EPRS1: variants seen among roughly 807,000 people sequenced by gnomAD.
EPRS1 encodes the protein glutamyl-prolyl-tRNA synthetase 1, also known as bifunctional glutamate/proline--tRNA ligase.
In EPRS1, 107 loss-of-function variants were observed where a neutral mutation model predicts 188.3. The observed-to-expected ratio is 0.57, with a 90% CI of 0.49 to 0.67. EPRS1 has a LOEUF of 0.67. Among genes scored for constraint, EPRS1 ranks in the 30% least tolerant of loss-of-function variants. The pLI is 0.00. For synonymous variants in EPRS1, 596 were observed against 593.1 expected (o/e 1.00, Z -0.07); for missense variants, 1,577 against 1,802.2 (o/e 0.88, Z 2.26).
intron 24 of EPRS1, among the ~76,000 whole-genome samples, 176 bp downstream of exon 24, chr1:219,981,202 T>C (rs1660889616): frequency 6.6e-6 from 1 of 152,096 alleles, no homozygotes. Flanking sequence ...CCAGCCACTT[T>C]CCAATTTTTA....
At chr1:220,016,019 T>G (rs1661702869) in intron 12 of EPRS1, among the ~76,000 whole-genome samples, 2 of 152,022 alleles carry the variant, frequency 1.3e-5, no homozygotes, top group South Asian at 4.2e-4. Context: ...CATCTGAATA[T>G]CTTGGTGGGA....
At position 219,997,525 on chromosome 1, in the gene EPRS1, G is replaced by A. The variant is rs776300905; in HGVS notation, c.2182-183C>T. 3.4e-4 allele frequency among the ~76,000 whole-genome samples: 51 copies of A among 152,156 alleles called. 1 individual carries two copies. The highest frequency in any genetic ancestry group is 3.9e-4 in the East Asian group (2 of 5,186). ...TTTATCCTAATGAAAAATGACAGGC[G>A]TAAACAAAGATAGAGGTACCTACAT... On this transcript the variant is annotated intron_variant, in intron 17 of 31. Transcript: ENST00000366923.
At chr1:220,007,041 GAAAA>G (rs1661502009) in intron 14 of EPRS1, among the ~76,000 whole-genome samples, 157 bp downstream of exon 14, 1 of 152,078 alleles carries the variant, frequency 6.6e-6, no homozygotes, top group South Asian at 2.1e-4. Flanking sequence ...AAGATATATG[GAAAA>G]AAATTTAACT....
Position 220,024,699 on chromosome 1 carries a change from G to T in EPRS1, c.751-243C>A, listed in dbSNP as rs540774728. Among the ~76,000 whole-genome samples the T allele has an allele frequency of 8.7e-4, 133 of 152,258 alleles. 4 individuals carry two copies. In the South Asian group the frequency reaches 0.027, roughly 31 times the overall value. ...CACGATGGAGTTTTCCATTTACTTT[G>T]GAAAAGCTGGTCATTACTGGGAGAA... On this transcript the variant is annotated intron_variant, in intron 7 of 31. Coordinates refer to ENST00000366923, the MANE Select transcript of EPRS1 (RefSeq NM_004446.3).
In EPRS1 at chr1:219,968,937, C is replaced by G. The variant is rs765309419; in HGVS notation, c.4408G>C (p.Gly1470Arg). 1.2e-6 allele frequency: 2 copies of G among 1,614,012 alleles called. No individual in the cohort carries two copies. The highest frequency in any genetic ancestry group is 2.2e-5 in the South Asian group (2 of 91,070). Residue 1470 changes from glycine to arginine, a missense_variant, in exon 32 of 32, where the codon GGT becomes CGT. This residue lies in a region of EPRS1 where 296 missense variants were observed against 327.9 expected (regional missense o/e 0.90). Transcript: ENST00000366923. ...TTARDQDLEPGAPSMGAKSLC... is the reference protein window; with the variant it reads ...TTARDQDLEPRAPSMGAKSLC... ...CTTTTAGCTCCCATGGATGGAGCACCAGGTTCAAGATCTTGATCCCTGAAA... is the reference window on the plus strand; with the variant it reads ...CTTTTAGCTCCCATGGATGGAGCACGAGGTTCAAGATCTTGATCCCTGAAA...
chr1:220,001,309 A>G, intron 16 of EPRS1, 54 bp from the exon 17 acceptor site: 1 of 961,988 alleles, frequency 1.0e-6, no homozygotes, highest in East Asian at 2.4e-5. Flanking sequence ...TTATCTGAAC[A>G]GCAATAAACA....
chr1:220,024,394 A>G lies in EPRS1; in HGVS notation c.813T>C (p.Asp271=). The change falls in exon 8 of 32, where the codon GAT becomes GAC. Residue 271 remains aspartate, a synonymous_variant. Transcript: ENST00000366923. ...CATACTTCATTATAGTTTCAAAATG[A>G]TCCGAAGTATAAGTAAATTGATCTG... is the stretch of plus-strand genomic sequence containing the variant. The part of the protein sequence containing the change: ...IKPDQFTYTS[D]HFETIMKYAE... 1 of 1,612,408 alleles carries G rather than the reference A, an allele frequency of 6.2e-7. No individual in the cohort carries two copies. The highest frequency in any genetic ancestry group is 8.5e-7 in the Non-Finnish European group (1 of 1,179,268).
rs375349074 is a variant in EPRS1, at chr1:220,046,396, A to G, written c.-8T>C. 1 of 1,613,934 alleles carries G rather than the reference A, an allele frequency of 6.2e-7. No individual in the cohort carries two copies. The highest frequency in any genetic ancestry group is 1.3e-5 in the African/African-American group (1 of 75,062). ...CAGAGAGAGCGTCGCCATCTCCACC[A>G]GTCCGCTGGTCCACCTGTCAGTACG... On this transcript the variant is annotated 5_prime_UTR_variant, in exon 1 of 32. Transcript: ENST00000366923.
intron 6 of EPRS1, among the ~76,000 whole-genome samples, chr1:220,027,427 CAAAA>C (rs35659781): frequency 2.2e-5 from 3 of 138,122 alleles, no homozygotes; most frequent in Non-Finnish European, 3.1e-5. Flanking sequence ...GACTCCATCT[CAAAA>C]AAAAAAAAAA....
At chr1:219,970,093 A>G in intron 30 of EPRS1, among the ~76,000 whole-genome samples, 1 of 152,162 alleles carries the variant, frequency 6.6e-6, no homozygotes, top group South Asian at 2.1e-4. Context: ...AAGTGCTGGG[A>G]TTACAGGTGT....
chr1:220,019,935 A>T, intron 10 of EPRS1, 53 bp downstream of exon 10: 1 of 1,265,290 alleles, frequency 7.9e-7, no homozygotes, highest in Non-Finnish European at 1.1e-6. Flanking sequence ...TTTAAAAATC[A>T]CTGATCTACT....
intron 20 of EPRS1, among the ~76,000 whole-genome samples, 192 bp downstream of exon 20, chr1:219,986,950 T>C (rs978670748): frequency 3.9e-5 from 6 of 152,336 alleles, no homozygotes; most frequent in Middle Eastern, 3.4e-3. Flanking sequence ...TCTGAGATTC[T>C]TGAACCAAAC....
intron 2 of EPRS1, among the ~76,000 whole-genome samples, chr1:220,037,032 G>GA (rs113145046): frequency 5.6e-4 from 81 of 144,546 alleles, no homozygotes; most frequent in Middle Eastern, 3.6e-3. Context: ...GAAAGTAAAG[G>GA]AAAAAAAAAA....
intron 23 of EPRS1, chr1:219,982,489 A>G: frequency 4.0e-6 from 1 of 250,784 alleles, no homozygotes. Context: ...AATAAAAATT[A>G]TTCTAAGAAT....
At chr1:220,042,228 A>G (rs1050718499) in intron 1 of EPRS1, among the ~76,000 whole-genome samples, 1 of 151,732 alleles carries the variant, frequency 6.6e-6, no homozygotes, top group Non-Finnish European at 1.5e-5. Context: ...CATACCTGTA[A>G]TCCTAGTACT....
chr1:220,024,162 A>G, intron 8 of EPRS1, 102 bp downstream of exon 8: 1 of 841,890 alleles, frequency 1.2e-6, no homozygotes, highest in Non-Finnish European at 1.8e-6. Context: ...AAAACAAACA[A>G]ACAAACAAAA....
At chr1:220,044,105 A>G (rs1571703660) in intron 1 of EPRS1, among the ~76,000 whole-genome samples, 1 of 152,140 alleles carries the variant, frequency 6.6e-6, no homozygotes, top group African/African-American at 2.4e-5. Flanking sequence ...GTATGGGGGA[A>G]AAAGGTCTTT....
At position 220,001,250 on chromosome 1, in the gene EPRS1, T is replaced by C. The variant is rs775000045; in HGVS notation, c.2069A>G (p.Tyr690Cys). Residue 690 changes from tyrosine to cysteine, a missense_variant, in exon 17 of 32, where the codon TAT (tyrosine) becomes TGT (cysteine). Physicochemically the swap from Tyr to Cys is radical, Grantham distance 194. Transcript: ENST00000366923. ...CDQPYEPVSPYSCKEAPCVLI... is the reference protein window; with the variant it reads ...CDQPYEPVSPCSCKEAPCVLI... ...AACACACGGGGCTTCCTTGCAACTA[T>C]ATGGGCTAAAAAGAAAATAAAGGGA... 2.5e-6 allele frequency: 4 copies of C among 1,596,410 alleles called. No homozygotes were observed. Among genetic ancestry groups the C allele is most frequent in the African/African-American group, 1.3e-5 (1 of 74,718 alleles).
At chr1:220,010,726 C>T (rs1029347617) in intron 13 of EPRS1, among the ~76,000 whole-genome samples, 16 of 150,992 alleles carry the variant, frequency 1.1e-4, no homozygotes, top group African/African-American at 3.7e-4. Flanking sequence ...AGGAGAATGG[C>T]GTGAACCCGG....
Sources: allele counts gnomAD v4.1 joint callset (sites outside exome capture counted in the v4.1 genomes callset), GRCh38; gene constraint gnomAD v4.1.1; regional missense constraint gnomAD v4.1.1; transcripts MANE v1.5; gene names NCBI Gene and HGNC (gene_info 2026-07-23, HGNC 2026-07-21).